Variants in MYH10 observed in about 807,000 individuals in gnomAD.
The protein encoded by MYH10 is myosin-10.
A neutral mutation model predicts 257.8 loss-of-function variants in MYH10; 55 were observed. That is an observed-to-expected ratio of 0.21 (90% CI 0.17 to 0.27). MYH10 has a LOEUF of 0.27. Among genes scored for constraint, MYH10 ranks in the 10% least tolerant of loss-of-function variants. MYH10 has a pLI of 1.00. For synonymous variants in MYH10, 854 were observed against 921.7 expected, an observed-to-expected ratio of 0.93 and a Z score of 1.33; for missense variants, 1,631 against 2,500.6, an observed-to-expected ratio of 0.65 and a Z score of 7.42.
At chr17:8,583,072 T>C (rs1307861636) in intron 4 of MYH10, among the ~76,000 whole-genome samples, 3 of 152,202 alleles carry the variant, frequency 2.0e-5, no homozygotes. Context: ...AGCAGAGATT[T>C]TGTGATCAAC....
chr17:8,602,975 G>T (rs1338335086), intron 3 of MYH10, among the ~76,000 whole-genome samples: 1 of 152,174 alleles, frequency 6.6e-6, no homozygotes, highest in Non-Finnish European at 1.5e-5. Flanking sequence ...AGCCACATCT[G>T]CCTCATATCT....
At chr17:8,487,922 G>T (rs769541895) in intron 35 of MYH10, among the ~76,000 whole-genome samples, 2 of 152,176 alleles carry the variant, frequency 1.3e-5, no homozygotes, top group African/African-American at 2.4e-5. Context: ...ATGTAATAAA[G>T]GCTGGGGTAG....
At chr17:8,499,546 G>C in intron 29 of MYH10, 70 bp from the exon 30 acceptor site, 1 of 1,426,242 alleles carries the variant, frequency 7.0e-7, no homozygotes, top group Non-Finnish European at 9.8e-7. Flanking sequence ...ACTGCTTTTT[G>C]AGTCTGCAGA....
intron 7 of MYH10, chr17:8,561,206 T>TGAA: frequency 1.3e-6 from 1 of 758,064 alleles, no homozygotes; most frequent in Non-Finnish European, 2.4e-6. Flanking sequence ...TTGGGGCCTC[T>TGAA]CCTCTCCGGT....
chr17:8,587,463 GTCT>G (rs2083953098), intron 4 of MYH10, among the ~76,000 whole-genome samples: 1 of 151,998 alleles, frequency 6.6e-6, no homozygotes, highest in Non-Finnish European at 1.5e-5. Context: ...TAAATACCAA[GTCT>G]TCTACTTCAT....
At chr17:8,600,216 C>G (rs895799092) in intron 3 of MYH10, among the ~76,000 whole-genome samples, 1 of 152,074 alleles carries the variant, frequency 6.6e-6, no homozygotes, top group Admixed American at 6.5e-5. Context: ...CAAGAATAAC[C>G]AATGAACAAC....
chr17:8,551,728 T>C (rs770516175), intron 9 of MYH10, among the ~76,000 whole-genome samples: 2 of 152,200 alleles, frequency 1.3e-5, no homozygotes, highest in Non-Finnish European at 2.9e-5. Flanking sequence ...ATTAGGTAAA[T>C]TTCTTTTCCC....
At chr17:8,613,178 T>A (rs1398039880) in intron 2 of MYH10, among the ~76,000 whole-genome samples, 1 of 152,060 alleles carries the variant, frequency 6.6e-6, no homozygotes, top group Non-Finnish European at 1.5e-5. Context: ...CCCGATGCAA[T>A]GGCATTTTCA....
At chr17:8,486,624 C>T (rs2151799308) in intron 36 of MYH10, among the ~76,000 whole-genome samples, 1 of 150,254 alleles carries the variant, frequency 6.7e-6, no homozygotes, top group East Asian at 2.0e-4. Flanking sequence ...GATGACTTTC[C>T]CTCCAAACTT....
intron 3 of MYH10, among the ~76,000 whole-genome samples, chr17:8,595,297 C>T (rs1048382494): frequency 7.2e-5 from 11 of 152,082 alleles, no homozygotes; most frequent in South Asian, 6.2e-4. Context: ...TAAAACTAAT[C>T]GCCTTATGAA....
intron 2 of MYH10, among the ~76,000 whole-genome samples, chr17:8,606,238 GT>G (rs1275437097): frequency 2.0e-5 from 3 of 152,122 alleles, no homozygotes; most frequent in Non-Finnish European, 4.4e-5. Context: ...TGACTTGCGG[GT>G]TTTTTAAATG....
intron 30 of MYH10, among the ~76,000 whole-genome samples, chr17:8,496,182 C>T (rs113107656): frequency 9.8e-4 from 149 of 152,302 alleles, no homozygotes; most frequent in African/African-American, 3.2e-3. Flanking sequence ...TTTTTGACGA[C>T]AGTGGGTGCT....
At chr17:8,517,163 A>C (rs1275325093) in intron 21 of MYH10, among the ~76,000 whole-genome samples, 1 of 151,962 alleles carries the variant, frequency 6.6e-6, no homozygotes, top group African/African-American at 2.4e-5. Context: ...ATAAAAACCC[A>C]ATTCTTTTAC....
At chr17:8,541,852 G>A (rs1395868625) in intron 14 of MYH10, among the ~76,000 whole-genome samples, 1 of 152,168 alleles carries the variant, frequency 6.6e-6, no homozygotes, top group African/African-American at 2.4e-5. Context: ...GCGAGCCAGA[G>A]CCCACTATCC....
intron 26 of MYH10, among the ~76,000 whole-genome samples, chr17:8,508,305 G>A (rs766093121): frequency 7.2e-5 from 11 of 152,120 alleles, no homozygotes; most frequent in Non-Finnish European, 1.6e-4. Context: ...GTCTCACTAT[G>A]CTGCCCAGGC....
At chr17:8,616,433 A>T (rs1214134790) in intron 2 of MYH10, among the ~76,000 whole-genome samples, 3 of 152,166 alleles carry the variant, frequency 2.0e-5, no homozygotes, top group Non-Finnish European at 4.4e-5. Context: ...AATATACAAA[A>T]ATTAATTGTA....
intron 2 of MYH10, among the ~76,000 whole-genome samples, chr17:8,615,228 T>C (rs1342826146): frequency 6.6e-6 from 1 of 151,844 alleles, no homozygotes; most frequent in African/African-American, 2.4e-5. Flanking sequence ...GCACGAGCTA[T>C]GATTGCACCA....
chr17:8,535,681 G>A lies in MYH10; in HGVS notation c.1779+77C>T, dbSNP rs1303089351. 10 of 1,445,058 alleles carry A rather than the reference G, an allele frequency of 6.9e-6. No homozygotes were observed. In the East Asian group the frequency reaches 9.1e-5, roughly 13 times the overall value. The allele number at this position is 1,445,058 out of a possible 1,614,324, so 89.5% of individuals were successfully genotyped here. A position where few individuals can be genotyped will look rare whatever the true frequency, so the allele number is the denominator to read the frequency against. On this transcript the variant is annotated intron_variant, in intron 15 of 42. Transcript: ENST00000360416. This position sits in a 1 kb window ranked among gnomAD's most constrained non-coding sequence, Gnocchi z 4.3. The stretch of plus-strand genomic sequence containing the variant: ...TTTATAAATGTTTATCAGCACCTTT[G>A]TTACACCTTCATAAAAATGTAGCAA...
intron 4 of MYH10, among the ~76,000 whole-genome samples, chr17:8,586,115 A>C (rs1414607542): frequency 6.6e-6 from 1 of 152,172 alleles, no homozygotes; most frequent in Non-Finnish European, 1.5e-5. Flanking sequence ...GCCCTTTAGC[A>C]CCGAACAGAG....
Sources: allele counts gnomAD v4.1 joint callset (sites outside exome capture counted in the v4.1 genomes callset), GRCh38; gene constraint gnomAD v4.1.1; non-coding constraint Gnocchi (gnomAD v3.1); transcripts MANE v1.5; gene names NCBI Gene and HGNC (gene_info 2026-07-23, HGNC 2026-07-21).